COL9A1: variants seen among roughly 807,000 people sequenced by gnomAD.
The protein encoded by COL9A1 is collagen type IX alpha 1 chain, also known as collagen alpha-1(IX) chain.
Under a neutral mutation model 142.6 loss-of-function variants are expected in COL9A1, and 104 were observed. The observed-to-expected ratio is 0.73, with a 90% confidence interval of 0.62 to 0.86. The LOEUF is 0.86. Among genes scored for constraint, COL9A1 ranks in the 40% least tolerant of loss-of-function variants. The probability of loss-of-function intolerance (pLI) is 0.00; values close to 1 mark genes in which losing one functional copy is unlikely to be tolerated. For missense variants in COL9A1, 1,210 were observed against 1,176.6 expected, an observed-to-expected ratio of 1.03 and a Z score of -0.42; for synonymous variants, 466 against 396.0, an observed-to-expected ratio of 1.18 and a Z score of -2.10.
intron 28 of COL9A1, chr6:70,245,537 G>A (rs1770540551): frequency 6.6e-6 from 1 of 151,604 alleles, no homozygotes; most frequent in African/African-American, 2.4e-5. Context: ...GGGCAAGAGA[G>A]GGTGGTAGGA....
At chr6:70,219,205 A>G (rs1256573901) in intron 37 of COL9A1, among the ~76,000 whole-genome samples, 1 of 152,162 alleles carries the variant, frequency 6.6e-6, no homozygotes, top group Non-Finnish European at 1.5e-5. Context: ...TATCACTAGG[A>G]ATGTTCCCAC....
chr6:70,269,611 T>C lies in COL9A1; in HGVS notation c.1230+22A>G, dbSNP rs756824869. 4 of 1,538,628 alleles carry C rather than the reference T, an allele frequency of 2.6e-6. No individual in the cohort carries two copies. In the East Asian group the frequency reaches 9.0e-5, roughly 35 times the overall value. ...TGGTCTTTGAATTAAAACTATATTT[T>C]GTTCAAAGGAAAGCATCTTACCAAT... On this transcript the variant is annotated intron_variant, in intron 16 of 37. Coordinates refer to ENST00000357250, the MANE Select transcript of COL9A1 (RefSeq NM_001851.6).
chr6:70,269,812 T>A, intron 15 of COL9A1, 147 bp from the exon 16 acceptor site: 1 of 609,994 alleles, frequency 1.6e-6, no homozygotes, highest in Non-Finnish European at 2.9e-6. Context: ...TATTCTAAAA[T>A]CCTGACTCAT....
chr6:70,255,471 G>T, intron 21 of COL9A1, 81 bp from the exon 22 acceptor site: 2 of 1,196,050 alleles, frequency 1.7e-6, no homozygotes, highest in Admixed American at 1.7e-5. Context: ...TATCATCCAC[G>T]TCACCAAACT....
intron 18 of COL9A1, among the ~76,000 whole-genome samples, chr6:70,265,587 A>C (rs1771960448): frequency 6.7e-6 from 1 of 149,790 alleles, no homozygotes; most frequent in African/African-American, 2.5e-5. Flanking sequence ...CAAAACTTTT[A>C]ATGACAATTT....
rs544996547 is a variant in COL9A1, at chr6:70,298,528, G to A, written c.299+1515C>T. On this transcript the variant is annotated intron_variant, in intron 4 of 37. Transcript: ENST00000357250. ...AACAAGATTTTTTAGTCCTTATGGGGGCAGGGAGTCAAGGGTAGCAAATGT... is the reference window on the plus strand; with the variant it reads ...AACAAGATTTTTTAGTCCTTATGGGAGCAGGGAGTCAAGGGTAGCAAATGT... 8.5e-5 allele frequency among the ~76,000 whole-genome samples: 13 copies of A among 152,178 alleles called. No homozygotes were observed. The South Asian group carries it at 2.7e-3, about 32-fold the overall frequency.
At chr6:70,301,489 A>G (rs1467401151) in intron 2 of COL9A1, among the ~76,000 whole-genome samples, 2 of 152,188 alleles carry the variant, frequency 1.3e-5, no homozygotes, top group African/African-American at 4.8e-5. Flanking sequence ...AGGCAGAAGA[A>G]TCACTTGAAC....
chr6:70,300,204 T>C (rs1451929491), intron 3 of COL9A1, 29 bp from the exon 4 acceptor site: 1 of 1,613,078 alleles, frequency 6.2e-7, no homozygotes. Flanking sequence ...AAATGAAAAG[T>C]CTAAAATGAG....
chr6:70,257,294 C>T (rs1365104658), intron 20 of COL9A1, among the ~76,000 whole-genome samples: 2 of 152,082 alleles, frequency 1.3e-5, no homozygotes, highest in Non-Finnish European at 2.9e-5. Flanking sequence ...CTCTTGACCT[C>T]ATGATCTGCC....
chr6:70,279,803 A>G (rs1773019748), intron 10 of COL9A1: 2 of 454,088 alleles, frequency 4.4e-6, no homozygotes, highest in East Asian at 6.0e-5. Flanking sequence ...TTCAAAATGA[A>G]GGATATGTCT....
In COL9A1 at chr6:70,303,070, GC is replaced by G. The variant is rs1401213233; in HGVS notation, c.-147del. ...TTGGTCCCTCCTGCCCCCGGTGAGGGCTAAAAGCAAAGGGAGAGAACCAGAG... is the reference window on the plus strand; with the variant it reads ...TTGGTCCCTCCTGCCCCCGGTGAGGGTAAAAGCAAAGGGAGAGAACCAGAG... On this transcript the variant is annotated 5_prime_UTR_variant, in exon 1 of 38. Coordinates refer to ENST00000357250, the MANE Select transcript of COL9A1 (RefSeq NM_001851.6). 2 of 845,200 alleles carry G rather than the reference GC, an allele frequency of 2.4e-6. No individual in the cohort carries two copies. Among genetic ancestry groups the G allele is most frequent in the African/African-American group, 3.3e-5 (2 of 60,130 alleles). 52.4% of individuals were successfully genotyped at this position (845,200 alleles called of 1,614,324 possible). A position where few individuals can be genotyped will look rare whatever the true frequency, so the allele number is the denominator to read the frequency against.
chr6:70,215,146 CA>C (rs1334087903), downstream of COL9A1: 1 of 151,896 alleles, frequency 6.6e-6, no homozygotes, highest in African/African-American at 2.4e-5. Flanking sequence ...GGAGCTATAA[CA>C]GAGACCTTTA....
At position 70,227,424 on chromosome 6, in the gene COL9A1, T is replaced by TAAAAAAAAAAAAAAA. The variant is rs11407353; in HGVS notation, c.2504-1430_2504-1416dup. ...CTCATAACAAAATAAATGCAAATTGTAAAAAAAAAAAAAAAAAAAAAAAAG... is the reference window on the plus strand; with the variant it reads ...CTCATAACAAAATAAATGCAAATTGTAAAAAAAAAAAAAAAAAAAAAAAAAAAAAAAAAAAAAAAG... On this transcript the variant is annotated intron_variant, in intron 36 of 37. Coordinates refer to ENST00000357250, the MANE Select transcript of COL9A1 (RefSeq NM_001851.6). Among the ~76,000 whole-genome samples, 15 of 50,032 alleles carry TAAAAAAAAAAAAAAA rather than the reference T, an allele frequency of 3.0e-4. 1 individual carries two copies. Among genetic ancestry groups the TAAAAAAAAAAAAAAA allele is most frequent in the African/African-American group, 1.5e-3 (13 of 8,866 alleles). 32.8% of individuals were successfully genotyped at this position (50,032 alleles called of 152,430 possible).
chr6:70,263,820 G>A (rs1354627466), intron 18 of COL9A1, among the ~76,000 whole-genome samples: 2 of 151,544 alleles, frequency 1.3e-5, no homozygotes, highest in East Asian at 1.9e-4. Flanking sequence ...TTTCTTTCAT[G>A]GGTTATACCT....
intron 29 of COL9A1, 66 bp downstream of exon 29, chr6:70,242,596 T>C: frequency 7.3e-7 from 1 of 1,373,202 alleles, no homozygotes. Context: ...TGTTTTCTCC[T>C]CTTGCTTATT....
rs117320420 is a variant in COL9A1, at chr6:70,282,744, T to A, written c.801+154A>T. On this transcript the variant is annotated intron_variant, in intron 7 of 37. Coordinates refer to ENST00000357250, the MANE Select transcript of COL9A1 (RefSeq NM_001851.6). ...GGTCATCTACGGCTCTGGACTTCGATAGGACTCGCGGCAGGTGCTCGAGGC... is the reference window on the plus strand; with the variant it reads ...GGTCATCTACGGCTCTGGACTTCGAAAGGACTCGCGGCAGGTGCTCGAGGC... Among the ~76,000 whole-genome samples, 1,461 of 152,242 alleles carry A rather than the reference T, an allele frequency of 9.6e-3. 10 individuals are homozygous for A. Among genetic ancestry groups the A allele is most frequent in the Admixed American group, 0.014 (219 of 15,298 alleles).
chr6:70,260,280 A>G (rs1771586765), intron 20 of COL9A1, among the ~76,000 whole-genome samples: 1 of 152,102 alleles, frequency 6.6e-6, no homozygotes, highest in South Asian at 2.1e-4. Flanking sequence ...GGTGGCTCAC[A>G]CCTGTAATCC....
intron 37 of COL9A1, among the ~76,000 whole-genome samples, chr6:70,219,118 A>G (rs934560933): frequency 3.3e-5 from 5 of 152,198 alleles, no homozygotes; most frequent in Non-Finnish European, 7.3e-5. Context: ...CCTTAACACC[A>G]GATGCAGTTA....
At chr6:70,269,740 A>C in intron 15 of COL9A1, 75 bp from the exon 16 acceptor site, 133 of 896,900 alleles carry the variant, frequency 1.5e-4, no homozygotes, top group Middle Eastern at 2.8e-4. Flanking sequence ...TAGAAAGCTC[A>C]TCAGGCAAAA....
Sources: allele counts gnomAD v4.1 joint callset (sites outside exome capture counted in the v4.1 genomes callset), GRCh38; gene constraint gnomAD v4.1.1; transcripts MANE v1.5; gene names NCBI Gene and HGNC (gene_info 2026-07-23, HGNC 2026-07-21).